Variants in ACTR3C observed in about 807,000 individuals in gnomAD.
ACTR3C encodes actin related protein 3C, also known as actin-related protein 3C.
Under a neutral mutation model 26.3 loss-of-function variants are expected in ACTR3C, and 18 were observed. The ratio of observed to expected loss-of-function variants is 0.68; its 90% confidence interval spans 0.47 to 1.01. The LOEUF (loss-of-function observed/expected upper bound fraction) is 1.01. Ranked by LOEUF, ACTR3C falls within the 50% of genes least tolerant of loss-of-function variation. The pLI, the probability that ACTR3C is intolerant of heterozygous loss-of-function variation, is 0.00. For synonymous variants in ACTR3C, 55 were observed against 94.5 expected (o/e 0.58, Z 2.42); for missense variants, 184 against 250.7 (o/e 0.73, Z 1.80).
At chr7:150,205,046 A>G in the ACTR3C span, among the ~76,000 whole-genome samples, 2 of 152,252 alleles carry the variant, frequency 1.3e-5, no homozygotes, top group Non-Finnish European at 2.9e-5. Context: ...TAATAATGTT[A>G]TATTAGACTA....
At chr7:149,976,390 T>C in the ACTR3C span, among the ~76,000 whole-genome samples, 2 of 151,744 alleles carry the variant, frequency 1.3e-5, no homozygotes, top group South Asian at 2.1e-4. Flanking sequence ...CTGGCTAACA[T>C]GGTGAAACCC....
the ACTR3C span, among the ~76,000 whole-genome samples, chr7:150,214,205 CT>C: frequency 3.9e-5 from 6 of 152,168 alleles, no homozygotes; most frequent in African/African-American, 1.2e-4. Context: ...ACATTTTAAA[CT>C]GTGGTCCAAT....
chr7:150,144,063 T>C, the ACTR3C span, among the ~76,000 whole-genome samples: 11 of 152,216 alleles, frequency 7.2e-5, no homozygotes, highest in Non-Finnish European at 1.6e-4. The surrounding 1 kb of genome is among the most constrained non-coding windows in gnomAD (Gnocchi z 4.6). Context: ...GTTGTCATTT[T>C]TTGCTAAGGT....
the ACTR3C span, among the ~76,000 whole-genome samples, chr7:150,103,279 C>T: frequency 6.6e-6 from 1 of 151,940 alleles, no homozygotes; most frequent in Admixed American, 6.6e-5. Context: ...ACCAGATAAA[C>T]AAGATGTGGC....
At chr7:150,033,860 G>GCA in the ACTR3C span, among the ~76,000 whole-genome samples, 1 of 149,158 alleles carries the variant, frequency 6.7e-6, no homozygotes, top group Non-Finnish European at 1.5e-5. Flanking sequence ...CCCCAGCGAT[G>GCA]GGGATCCTAA....
At chr7:149,969,112 A>C in the ACTR3C span, among the ~76,000 whole-genome samples, 1 of 152,202 alleles carries the variant, frequency 6.6e-6, no homozygotes, top group Non-Finnish European at 1.5e-5. Context: ...CACAGACATC[A>C]GAGCTGGAAA....
chr7:149,998,104 T>C, the ACTR3C span, among the ~76,000 whole-genome samples: 1 of 150,834 alleles, frequency 6.6e-6, no homozygotes. Context: ...AGGCAAACTA[T>C]AGACATCCAC....
At chr7:150,029,129 G>A in the ACTR3C span, among the ~76,000 whole-genome samples, 1 of 151,890 alleles carries the variant, frequency 6.6e-6, no homozygotes. Context: ...GTGTCAAGCC[G>A]ATGCCTCCTC....
chr7:150,058,091 G>C, the ACTR3C span, among the ~76,000 whole-genome samples: 2 of 152,096 alleles, frequency 1.3e-5, no homozygotes, highest in Non-Finnish European at 1.5e-5. Context: ...TCATTGTATT[G>C]GTCATATCTA....
At chr7:150,289,797 C>T (rs530290194) in intron 3 of ACTR3C, among the ~76,000 whole-genome samples, 68 of 152,304 alleles carry the variant, frequency 4.5e-4, no homozygotes, top group Non-Finnish European at 8.2e-4. Context: ...ATTCAAAATT[C>T]CAGATTATTC....
the ACTR3C span, among the ~76,000 whole-genome samples, chr7:150,143,687 C>G: frequency 6.6e-6 from 1 of 152,184 alleles, no homozygotes; most frequent in African/African-American, 2.4e-5. Flanking sequence ...CTGCCGGGGA[C>G]TGGGGAATTG....
the ACTR3C span, among the ~76,000 whole-genome samples, chr7:150,139,379 C>A: frequency 5.7e-4 from 77 of 135,656 alleles, no homozygotes; most frequent in East Asian, 3.0e-3. Context: ...GGAAAAAGGA[C>A]ATGAACCATC....
At chr7:149,978,427 A>G in the ACTR3C span, among the ~76,000 whole-genome samples, 2 of 151,390 alleles carry the variant, frequency 1.3e-5, no homozygotes, top group African/African-American at 2.4e-5. Flanking sequence ...AGACTTTAGG[A>G]AGGGCTTCAT....
chr7:150,239,534 CTCTCTCTA>C (rs1319819057), downstream of ACTR3C, among the ~76,000 whole-genome samples: 164 of 118,364 alleles, frequency 1.4e-3, 3 homozygotes, highest in African/African-American at 2.5e-3. Context: ...CTCTCTCTCT[CTCTCTCTA>C]TATATATATA....
chr7:150,082,926 T>TTTTTTTTCTTTTC, the ACTR3C span, among the ~76,000 whole-genome samples: 10 of 134,828 alleles, frequency 7.4e-5, 1 homozygote, highest in African/African-American at 2.4e-4. Context: ...TCTTTCTTTC[T>TTTTTTTTCTTTTC]TTTTTTTCTT....
the ACTR3C span, among the ~76,000 whole-genome samples, chr7:149,886,002 T>C: frequency 6.6e-6 from 1 of 152,266 alleles, no homozygotes; most frequent in East Asian, 1.9e-4. Flanking sequence ...TTCATTTTTA[T>C]TGATGAATCA....
At chr7:150,255,242 ATTTTTTTTTT>A (rs745713614) in intron 6 of ACTR3C, among the ~76,000 whole-genome samples, 47 of 85,610 alleles carry the variant, frequency 5.5e-4, no homozygotes, top group Admixed American at 1.7e-3. Context: ...TTTGTAGGGG[ATTTTTTTTTT>A]TTTTTTTTTT....
intron 6 of ACTR3C, among the ~76,000 whole-genome samples, chr7:150,250,196 A>T: frequency 7.0e-6 from 1 of 143,300 alleles, no homozygotes; most frequent in African/African-American, 2.9e-5. Context: ...AAATGACAGA[A>T]TCTGACTTTT....
At chr7:149,996,147 A>G in the ACTR3C span, among the ~76,000 whole-genome samples, 2 of 152,282 alleles carry the variant, frequency 1.3e-5, no homozygotes, top group Non-Finnish European at 2.9e-5. Flanking sequence ...CGTGGGGAGC[A>G]TCTGCCAGCA....
Sources: gnomAD v4.1 joint callset for allele counts (sites outside exome capture counted in the v4.1 genomes callset) on GRCh38, gnomAD v4.1.1 for gene constraint, Gnocchi (gnomAD v3.1) non-coding constraint, MANE v1.5 for transcripts, NCBI Gene and HGNC (gene_info 2026-07-23, HGNC 2026-07-21) for gene names.